The following CHN2 variants were observed in gnomAD, a reference collection of about 807,000 sequenced individuals.
The protein encoded by CHN2 is chimerin 2, also known as beta-chimaerin.
CHN2 carries 35 observed loss-of-function variants against 56.3 expected under a neutral mutation model. The ratio of observed to expected loss-of-function variants is 0.62; its 90% CI spans 0.47 to 0.82. CHN2 has a LOEUF of 0.82. Ranked by LOEUF, CHN2 falls within the 40% of genes least tolerant of loss-of-function variation. CHN2 has a pLI of 0.00. For synonymous variants in CHN2, 210 were observed against 212.8 expected (o/e 0.99, Z 0.12); for missense variants, 491 against 580.5 (o/e 0.85, Z 1.58).
At chr7:29,235,184 C>CA (rs1007176855) in intron 1 of CHN2, among the ~76,000 whole-genome samples, 6 of 151,194 alleles carry the variant, frequency 4.0e-5, no homozygotes, top group South Asian at 2.1e-4. Flanking sequence ...AACAAACAAG[C>CA]AAAAAAAACA....
chr7:29,195,277 G>C (rs1783536987), intron 1 of CHN2: 1 of 381,446 alleles, frequency 2.6e-6, no homozygotes, highest in Non-Finnish European at 4.7e-6. Flanking sequence ...CGAAAGGAGC[G>C]GGCAGGCTCG....
chr7:29,307,424 C>T (rs987989850), intron 1 of CHN2, among the ~76,000 whole-genome samples: 18 of 152,116 alleles, frequency 1.2e-4, no homozygotes, highest in East Asian at 1.9e-4. Context: ...TGTGGTGAAC[C>T]GAATAATGGT....
At chr7:29,316,721 A>AT (rs5883202) in intron 1 of CHN2, among the ~76,000 whole-genome samples, 18,474 of 150,380 alleles carry the variant, frequency 0.12, 1,257 homozygotes, top group East Asian at 0.2. Flanking sequence ...AAGATGTGTG[A>AT]TTTTTTTTTT....
At chr7:29,179,070 A>G (rs1054708384) in intron 2 of CHN2, among the ~76,000 whole-genome samples, 1 of 152,160 alleles carries the variant, frequency 6.6e-6, no homozygotes, top group Non-Finnish European at 1.5e-5. Context: ...GGTGTCAGAA[A>G]ACAGGAGGTG....
At chr7:29,370,317 G>T (rs117813499) in intron 3 of CHN2, among the ~76,000 whole-genome samples, 1 of 152,182 alleles carries the variant, frequency 6.6e-6, no homozygotes, top group South Asian at 2.1e-4. Context: ...ACACTTGCAT[G>T]CTTGGGAGAC....
In CHN2 at chr7:29,480,373, A is replaced by G. The variant is rs1787056686; in HGVS notation, c.654+17A>G. ...AACTTTAAGGTAAGCAAGCCTCTGC[A>G]TTCCTTCTTCTGTTACAAAAGGGCA... On this transcript the variant is annotated intron_variant, in intron 7 of 12. Transcript: ENST00000222792. 1.9e-6 allele frequency: 3 copies of G among 1,611,462 alleles called. No homozygotes were observed. Among genetic ancestry groups the G allele is most frequent in the South Asian group, 1.1e-5 (1 of 91,032 alleles).
chr7:29,422,166 G>A (rs569060829), intron 6 of CHN2, among the ~76,000 whole-genome samples: 26 of 152,048 alleles, frequency 1.7e-4, no homozygotes, highest in Middle Eastern at 3.4e-3. Context: ...TTTCTCTTCC[G>A]GGTCAAGTGT....
chr7:29,479,856 C>T, intron 6 of CHN2: 1 of 1,353,056 alleles, frequency 7.4e-7, no homozygotes, highest in East Asian at 3.0e-5. Context: ...TTGCTGTGCA[C>T]ATGAATGTTT....
intron 1 of CHN2, among the ~76,000 whole-genome samples, chr7:29,273,388 TAC>T (rs1194733907): frequency 0.083 from 3,389 of 40,750 alleles, 290 homozygotes; most frequent in African/African-American, 0.11. Flanking sequence ...TATATATATA[TAC>T]ACACACCACA....
chr7:29,167,050 C>A (rs1021614135), intron 2 of CHN2, among the ~76,000 whole-genome samples: 1 of 151,946 alleles, frequency 6.6e-6, no homozygotes, highest in African/African-American at 2.4e-5. Flanking sequence ...ACAAAGTGAA[C>A]AATGTTTACA....
intron 1 of CHN2, chr7:29,195,192 A>T (rs1783521506): frequency 4.0e-6 from 2 of 498,460 alleles, no homozygotes; most frequent in African/African-American, 2.0e-5. Flanking sequence ...CTGACAGCGC[A>T]GAGGTGGGAG....
At chr7:29,445,585 A>G (rs1783975119) in intron 6 of CHN2, among the ~76,000 whole-genome samples, 1 of 152,200 alleles carries the variant, frequency 6.6e-6, no homozygotes, top group Non-Finnish European at 1.5e-5. Context: ...CTGGTCTGCA[A>G]AAGGACCGTT....
chr7:29,281,263 T>G (rs897649838), intron 1 of CHN2, among the ~76,000 whole-genome samples: 2 of 144,292 alleles, frequency 1.4e-5, no homozygotes, highest in African/African-American at 4.9e-5. Flanking sequence ...ATATTCTTCT[T>G]TTTTCCTCTT....
intron 6 of CHN2, among the ~76,000 whole-genome samples, chr7:29,422,478 A>C (rs1562594806): frequency 6.6e-6 from 1 of 152,260 alleles, no homozygotes; most frequent in South Asian, 2.1e-4. Flanking sequence ...TTCCAGATCT[A>C]ATAGACGGCC....
At chr7:29,215,610 T>C (rs996958998) in intron 1 of CHN2, among the ~76,000 whole-genome samples, 4 of 152,114 alleles carry the variant, frequency 2.6e-5, no homozygotes, top group African/African-American at 4.8e-5. Context: ...TCTGGTTCAA[T>C]AGGAATTAAA....
intron 1 of CHN2, among the ~76,000 whole-genome samples, chr7:29,251,243 A>G (rs1370225384): frequency 6.6e-6 from 1 of 152,172 alleles, no homozygotes; most frequent in Non-Finnish European, 1.5e-5. Context: ...GCTTGAGCCC[A>G]GCAGTTCGAG....
Position 29,194,884 on chromosome 7 carries a change from A to G in CHN2, c.-58A>G, listed in dbSNP as rs977477979. The G allele has an allele frequency of 2.1e-4, 289 of 1,387,486 alleles. No individual in the cohort carries two copies. The highest frequency in any genetic ancestry group is 2.5e-4 in the Non-Finnish European group (269 of 1,072,740). The allele number at this position is 1,387,486 out of a possible 1,614,324, so 85.9% of individuals were successfully genotyped here. On this transcript the variant is annotated 5_prime_UTR_variant, in exon 1 of 13. Coordinates refer to ENST00000222792, the MANE Select transcript of CHN2 (RefSeq NM_004067.4). The stretch of plus-strand genomic sequence containing the variant: ...AGGCTGCGAGCGGCCGGGCGAGGGC[A>G]GCGGCGGCGGCGTCCGCACCGGGGC...
chr7:29,494,346 C>T (rs1789002843), intron 7 of CHN2, among the ~76,000 whole-genome samples: 1 of 151,890 alleles, frequency 6.6e-6, no homozygotes, highest in Admixed American at 6.6e-5. Flanking sequence ...AGCAGATTAA[C>T]AATTGACTTT....
intron 7 of CHN2, among the ~76,000 whole-genome samples, chr7:29,491,418 TG>T (rs1788655855): frequency 6.6e-6 from 1 of 151,914 alleles, no homozygotes; most frequent in Non-Finnish European, 1.5e-5. Context: ...TTTGTGTGTG[TG>T]TGAGAGAGAG....
Sources: allele counts gnomAD v4.1 joint callset (sites outside exome capture counted in the v4.1 genomes callset), GRCh38; gene constraint gnomAD v4.1.1; transcripts MANE v1.5; gene names NCBI Gene and HGNC (gene_info 2026-07-23, HGNC 2026-07-21).